DGKB: variants seen among roughly 807,000 people sequenced by gnomAD.
The protein encoded by DGKB is 90 kDa diacylglycerol kinase.
A neutral mutation model predicts 114.3 loss-of-function variants in DGKB; 67 were observed. That is an observed-to-expected ratio of 0.59 (90% confidence interval 0.48 to 0.72). The LOEUF (loss-of-function observed/expected upper bound fraction) is 0.72. Among genes scored for constraint, DGKB ranks in the 30% least tolerant of loss-of-function variants. The pLI is 0.00. For synonymous variants in DGKB, 398 were observed against 323.1 expected, an observed-to-expected ratio of 1.23 and a Z score of -2.49; for missense variants, 907 against 975.2, an observed-to-expected ratio of 0.93 and a Z score of 0.93.
chr7:14,763,434 G>A (rs530061715), intron 2 of DGKB, among the ~76,000 whole-genome samples: 1 of 152,182 alleles, frequency 6.6e-6, no homozygotes, highest in South Asian at 2.1e-4. Flanking sequence ...TCACAATAAT[G>A]TTAACAAATA....
chr7:14,825,811 T>A (rs1246366653), intron 2 of DGKB, among the ~76,000 whole-genome samples: 1 of 152,140 alleles, frequency 6.6e-6, no homozygotes, highest in Non-Finnish European at 1.5e-5. Flanking sequence ...TTCCCTTCCT[T>A]AAAATTAACT....
intron 25 of DGKB, among the ~76,000 whole-genome samples, chr7:14,163,473 A>C (rs1784197777): frequency 6.6e-6 from 1 of 152,240 alleles, no homozygotes; most frequent in Non-Finnish European, 1.5e-5. Context: ...CTTTGGAAAA[A>C]TAAATGTTTA....
intron 21 of DGKB, among the ~76,000 whole-genome samples, chr7:14,421,774 G>A (rs1826747102): frequency 6.6e-6 from 1 of 152,022 alleles, no homozygotes. Flanking sequence ...AAAGAGCACT[G>A]ATGTAATTAG....
intron 21 of DGKB, among the ~76,000 whole-genome samples, chr7:14,439,924 G>C (rs771361248): frequency 7.3e-5 from 11 of 150,048 alleles, no homozygotes; most frequent in African/African-American, 1.2e-4. Context: ...GTTACTACTT[G>C]AGATTGTCAC....
intron 9 of DGKB, 100 bp downstream of exon 9, chr7:14,693,975 T>C (rs1823370718): frequency 1.4e-6 from 2 of 1,392,218 alleles, no homozygotes; most frequent in Non-Finnish European, 1.9e-6. Flanking sequence ...CACTGCATGC[T>C]TAATGGTAGA....
At chr7:14,330,668 G>A (rs1005742961) in intron 23 of DGKB, among the ~76,000 whole-genome samples, 3 of 151,902 alleles carry the variant, frequency 2.0e-5, no homozygotes, top group South Asian at 4.1e-4. Flanking sequence ...TCATGAAAAG[G>A]TAATTTGTAT....
chr7:14,856,270 C>G (rs978571132), intron 1 of DGKB, among the ~76,000 whole-genome samples: 1 of 151,998 alleles, frequency 6.6e-6, no homozygotes, highest in African/African-American at 2.4e-5. Context: ...CTCAGTAGAA[C>G]AGAAAACACA....
At chr7:14,474,087 A>C (rs1017571510) in intron 21 of DGKB, among the ~76,000 whole-genome samples, 2 of 152,162 alleles carry the variant, frequency 1.3e-5, no homozygotes, top group African/African-American at 4.8e-5. Context: ...GAGATTTGGG[A>C]GGGGCCATGG....
At chr7:14,855,493 C>T (rs562885436) in intron 1 of DGKB, among the ~76,000 whole-genome samples, 3 of 152,172 alleles carry the variant, frequency 2.0e-5, no homozygotes, top group South Asian at 4.2e-4. Flanking sequence ...ACATAGCTGA[C>T]CTCCAACCCA....
chr7:14,451,649 G>A (rs1187062053), intron 21 of DGKB, among the ~76,000 whole-genome samples: 1 of 151,540 alleles, frequency 6.6e-6, no homozygotes, highest in Non-Finnish European at 1.5e-5. Context: ...ACTGTGCTAT[G>A]CCCTTTGTAC....
intron 2 of DGKB, among the ~76,000 whole-genome samples, chr7:14,794,216 T>C (rs927212195): frequency 6.6e-6 from 1 of 152,148 alleles, no homozygotes; most frequent in African/African-American, 2.4e-5. Flanking sequence ...GGAACGTAAT[T>C]TTAAAGATAA....
intron 21 of DGKB, among the ~76,000 whole-genome samples, chr7:14,353,362 G>A (rs1017897621): frequency 2.6e-5 from 4 of 152,134 alleles, no homozygotes; most frequent in East Asian, 1.9e-4. Context: ...GAAGTATACC[G>A]TGGGCATCTA....
In DGKB at chr7:14,878,733, C is replaced by A. The variant is rs369103906; in HGVS notation, c.-188+23859G>T. 1.0e-2 allele frequency among the ~76,000 whole-genome samples: 1,270 copies of A among 127,400 alleles called. 25 individuals carry two copies. Among genetic ancestry groups the A allele is most frequent in the African/African-American group, 0.034 (1,188 of 34,656 alleles). 83.6% of individuals were successfully genotyped at this position (127,400 alleles called of 152,430 possible). A position where few individuals can be genotyped will look rare whatever the true frequency, so the allele number is the denominator to read the frequency against. On this transcript the variant is annotated intron_variant, in intron 1 of 25. Transcript: ENST00000402815. ...CACTGCCCTCCAGCCTGGGCAACAG[C>A]GTGAGACTCCGTCTCAAAAAACAAA...
At chr7:14,240,103 C>A (rs566554660) in intron 23 of DGKB, among the ~76,000 whole-genome samples, 3 of 152,162 alleles carry the variant, frequency 2.0e-5, no homozygotes, top group African/African-American at 7.2e-5. Context: ...CATATATGTT[C>A]TGTATCTTCC....
chr7:14,834,879 A>G (rs1045512336), intron 2 of DGKB, among the ~76,000 whole-genome samples: 3 of 152,118 alleles, frequency 2.0e-5, no homozygotes, highest in Admixed American at 1.3e-4. Flanking sequence ...TCTTTAGGGT[A>G]CGAAAATTAT....
intron 1 of DGKB, among the ~76,000 whole-genome samples, chr7:14,960,780 T>A (rs1786796044): frequency 6.6e-6 from 1 of 152,078 alleles, no homozygotes; most frequent in Non-Finnish European, 1.5e-5. Flanking sequence ...GACATCAATG[T>A]GAATACTGTA....
intron 21 of DGKB, among the ~76,000 whole-genome samples, chr7:14,468,162 G>C (rs1005214177): frequency 1.3e-5 from 2 of 151,974 alleles, no homozygotes; most frequent in Non-Finnish European, 2.9e-5. Flanking sequence ...TAACAAAACA[G>C]CAATTGAACT....
chr7:14,915,472 C>T (rs1160450837), intron 1 of DGKB, among the ~76,000 whole-genome samples: 1 of 152,060 alleles, frequency 6.6e-6, no homozygotes, highest in Non-Finnish European at 1.5e-5. Flanking sequence ...ACCACAGATC[C>T]AAGAAACTCA....
At chr7:14,433,526 G>A (rs1177373694) in intron 21 of DGKB, among the ~76,000 whole-genome samples, 1 of 151,948 alleles carries the variant, frequency 6.6e-6, no homozygotes, top group East Asian at 1.9e-4. Context: ...CTACGGTGGT[G>A]ACATCCTTGA....
Sources: gnomAD v4.1 joint callset for allele counts (sites outside exome capture counted in the v4.1 genomes callset) on GRCh38, gnomAD v4.1.1 for gene constraint, MANE v1.5 for transcripts, NCBI Gene and HGNC (gene_info 2026-07-23, HGNC 2026-07-21) for gene names.